LRRIQ1: variants seen among roughly 807,000 people sequenced by gnomAD.
LRRIQ1 encodes the protein leucine-rich repeat- and IQ domain-containing protein 1.
LRRIQ1 carries 210 observed loss-of-function variants against 211.9 expected under a neutral mutation model. The observed-to-expected ratio is 0.99, with a 90% CI of 0.89 to 1.11. The LOEUF is 1.11. Ranked by LOEUF, LRRIQ1 falls within the 50% of genes most tolerant of loss-of-function variation. LRRIQ1 has a pLI of 0.00. For synonymous variants in LRRIQ1, 699 were observed against 650.1 expected, an observed-to-expected ratio of 1.08 and a Z score of -1.14; for missense variants, 2,136 against 1,939.5, an observed-to-expected ratio of 1.10 and a Z score of -1.90.
intron 24 of LRRIQ1, among the ~76,000 whole-genome samples, chr12:85,217,755 A>T (rs886811794): frequency 6.3e-5 from 7 of 110,878 alleles, no homozygotes; most frequent in African/African-American, 1.9e-4. Context: ...GTGTGTGTAT[A>T]TATATAAAAT....
At chr12:85,076,073 A>G (rs1883617266) in intron 11 of LRRIQ1, among the ~76,000 whole-genome samples, 1 of 152,092 alleles carries the variant, frequency 6.6e-6, no homozygotes, top group South Asian at 2.1e-4. Flanking sequence ...CTATTTTTAT[A>G]CTACATTAAA....
At chr12:85,092,028 C>T (rs751986946) in intron 11 of LRRIQ1, among the ~76,000 whole-genome samples, 12 of 152,148 alleles carry the variant, frequency 7.9e-5, no homozygotes, top group Non-Finnish European at 1.3e-4. Flanking sequence ...ATTAGATTCT[C>T]ATAGGAGCGT....
intron 18 of LRRIQ1, 85 bp downstream of exon 18, chr12:85,128,118 A>C: frequency 9.9e-7 from 1 of 1,011,272 alleles, no homozygotes; most frequent in Non-Finnish European, 1.5e-6. Flanking sequence ...AATAACCTCC[A>C]AATCTCAGTG....
intron 8 of LRRIQ1, among the ~76,000 whole-genome samples, chr12:85,057,606 T>C (rs1881278096): frequency 6.6e-6 from 1 of 152,064 alleles, no homozygotes; most frequent in Non-Finnish European, 1.5e-5. Context: ...TGACCACTGT[T>C]GTGAAAGAAG....
intron 11 of LRRIQ1, among the ~76,000 whole-genome samples, chr12:85,089,060 T>A (rs781407411): frequency 2.6e-5 from 4 of 152,230 alleles, no homozygotes; most frequent in Non-Finnish European, 4.4e-5. Context: ...CCATTCAGTG[T>A]GATATTGGCT....
At chr12:85,153,367 A>G (rs1592893318) in intron 21 of LRRIQ1, among the ~76,000 whole-genome samples, 1 of 151,686 alleles carries the variant, frequency 6.6e-6, no homozygotes, top group East Asian at 1.9e-4. Flanking sequence ...CAGGGAAACA[A>G]TGTAATTAAT....
chr12:85,162,387 G>A (rs909320019), intron 24 of LRRIQ1, among the ~76,000 whole-genome samples: 3 of 152,022 alleles, frequency 2.0e-5, no homozygotes, highest in Admixed American at 1.3e-4. Context: ...TAGAAATTCT[G>A]CTAAAATCAG....
At chr12:85,210,503 C>T (rs1374598653) in intron 24 of LRRIQ1, among the ~76,000 whole-genome samples, 1 of 152,050 alleles carries the variant, frequency 6.6e-6, no homozygotes, top group Non-Finnish European at 1.5e-5. Flanking sequence ...GGTTTAGCTT[C>T]TTGTTTTTTA....
chr12:85,245,994 A>G (rs1895700917), downstream of LRRIQ1, among the ~76,000 whole-genome samples: 1 of 151,184 alleles, frequency 6.6e-6, no homozygotes, highest in South Asian at 2.1e-4. Flanking sequence ...AAACTTCAAA[A>G]TGATTATCTG....
chr12:85,042,738 A>T (rs2135889230), intron 3 of LRRIQ1, among the ~76,000 whole-genome samples: 1 of 152,060 alleles, frequency 6.6e-6, no homozygotes, highest in Middle Eastern at 3.4e-3. Context: ...AAAACAAATC[A>T]ATAATATGGC....
intron 24 of LRRIQ1, among the ~76,000 whole-genome samples, chr12:85,224,786 A>G (rs1300977189): frequency 3.3e-5 from 5 of 152,082 alleles, no homozygotes; most frequent in African/African-American, 9.7e-5. Flanking sequence ...CCTAATGTAG[A>G]TGATGAGTTG....
rs546490358 is a variant in LRRIQ1 at position 85,236,645 on chromosome 12, A to G, written c.5016+3889A>G. Among the ~76,000 whole-genome samples the G allele has an allele frequency of 2.6e-5, 4 of 151,984 alleles. No individual in the cohort carries two copies. In the South Asian group the frequency reaches 8.3e-4, roughly 32 times the overall value. Reference sequence around the variant, plus strand: ...AGCTGGTACAGTCATTCTGGAAAGAAACTTGTCAGTGTTTATTAAAGTAGG... The same window carrying G: ...AGCTGGTACAGTCATTCTGGAAAGAGACTTGTCAGTGTTTATTAAAGTAGG... On this transcript the variant is annotated intron_variant, in intron 26 of 26. Coordinates refer to ENST00000393217, the MANE Select transcript of LRRIQ1 (RefSeq NM_001079910.2).
At chr12:85,161,086 A>G (rs1890848672) in intron 24 of LRRIQ1, among the ~76,000 whole-genome samples, 1 of 152,096 alleles carries the variant, frequency 6.6e-6, no homozygotes, top group South Asian at 2.1e-4. Flanking sequence ...TTTACTGCCA[A>G]TTTACACAAA....
At chr12:85,196,206 G>A (rs1892902036) in intron 24 of LRRIQ1, among the ~76,000 whole-genome samples, 1 of 152,130 alleles carries the variant, frequency 6.6e-6, no homozygotes, top group South Asian at 2.1e-4. Flanking sequence ...AACATACCAT[G>A]CTCATGGGTA....
At chr12:85,093,140 G>C (rs1592781533) in intron 11 of LRRIQ1, among the ~76,000 whole-genome samples, 1 of 152,256 alleles carries the variant, frequency 6.6e-6, no homozygotes, top group South Asian at 2.1e-4. Context: ...GATATGTTAT[G>C]TACACTTTTG....
At position 85,057,387 on chromosome 12, in the gene LRRIQ1, TA is replaced by T. The variant is rs890714483; in HGVS notation, c.2391+208del. ...GGCATCTTCCCTAAGTGACACTCTA[TA>T]AAAAGCTTTGATTTATATTTTTTAA... On this transcript the variant is annotated intron_variant, in intron 8 of 26. Coordinates refer to ENST00000393217, the MANE Select transcript of LRRIQ1 (RefSeq NM_001079910.2). Among the ~76,000 whole-genome samples the T allele has an allele frequency of 2.6e-4, 40 of 152,044 alleles. 1 individual carries two copies. The highest frequency in any genetic ancestry group is 4.9e-4 in the Non-Finnish European group (33 of 67,930).
At chr12:85,193,043 T>A (rs1592948542) in intron 24 of LRRIQ1, among the ~76,000 whole-genome samples, 1 of 110,062 alleles carries the variant, frequency 9.1e-6, no homozygotes, top group Middle Eastern at 4.2e-3. Context: ...ATTATATTTA[T>A]AATAAATATA....
At chr12:85,212,813 AAGAG>A (rs369225618) in intron 24 of LRRIQ1, among the ~76,000 whole-genome samples, 4 of 147,872 alleles carry the variant, frequency 2.7e-5, no homozygotes, top group South Asian at 4.2e-4. Context: ...GAGAGAGAGA[AAGAG>A]AGAGAGAGAG....
At chr12:85,161,757 T>C (rs1164025587) in intron 24 of LRRIQ1, among the ~76,000 whole-genome samples, 2 of 152,094 alleles carry the variant, frequency 1.3e-5, no homozygotes, top group Non-Finnish European at 2.9e-5. Flanking sequence ...TAGATAGCAA[T>C]AGTCTGGGCG....
Sources: allele counts gnomAD v4.1 joint callset (sites outside exome capture counted in the v4.1 genomes callset), GRCh38; gene constraint gnomAD v4.1.1; transcripts MANE v1.5; gene names NCBI Gene and HGNC (gene_info 2026-07-23, HGNC 2026-07-21).